The following RANBP2 variants were observed in gnomAD, a reference collection of about 807,000 sequenced individuals.
The protein encoded by RANBP2 is E3 SUMO-protein ligase RanBP2.
In RANBP2, 57 loss-of-function variants were observed where a neutral mutation model predicts 303.6. That is an observed-to-expected ratio of 0.19 (90% CI 0.15 to 0.23). RANBP2 has a LOEUF of 0.23. Ranked by LOEUF, RANBP2 falls within the 10% of genes least tolerant of loss-of-function variation. The pLI is 1.00. For missense variants in RANBP2, 3,138 were observed against 3,780.8 expected (o/e 0.83, Z 4.46); for synonymous variants, 1,167 against 1,301.5 (o/e 0.90, Z 2.23).
the RANBP2 span, among the ~76,000 whole-genome samples, chr2:109,212,724 C>G: frequency 6.6e-6 from 1 of 152,230 alleles, no homozygotes; most frequent in Non-Finnish European, 1.5e-5. Flanking sequence ...AATAAAGACC[C>G]ATTCTCTCTT....
the RANBP2 span, among the ~76,000 whole-genome samples, chr2:108,920,238 C>T: frequency 3.3e-5 from 5 of 152,228 alleles, no homozygotes; most frequent in Non-Finnish European, 5.9e-5. Context: ...CCACATGCAT[C>T]GCCCACGTCA....
chr2:108,735,804 A>G lies in RANBP2; in HGVS notation c.636+42A>G, dbSNP rs753567823. 45 of 1,597,492 alleles carry G rather than the reference A, an allele frequency of 2.8e-5. No homozygotes were observed. The Admixed American group carries it at 6.0e-4, about 21-fold the overall frequency. On this transcript the variant is annotated intron_variant, in intron 5 of 28. Coordinates refer to ENST00000283195, the MANE Select transcript of RANBP2 (RefSeq NM_006267.5). The stretch of plus-strand genomic sequence containing the variant: ...GGGTCTTTACATTTCTATGTAGGCA[A>G]TTAGCATACATCTTTTTGTACTAAA...
chr2:108,784,688 A>T lies in RANBP2; in HGVS notation c.*787A>T, dbSNP rs1331693144. 6.6e-6 allele frequency: 1 copy of T among 152,626 alleles called. No homozygotes were observed. The allele number at this position is 152,626 out of a possible 1,614,324, so 9.5% of individuals were successfully genotyped here. A position where few individuals can be genotyped will look rare whatever the true frequency, so the allele number is the denominator to read the frequency against. On this transcript the variant is annotated 3_prime_UTR_variant, in exon 29 of 29. Coordinates refer to ENST00000283195, the MANE Select transcript of RANBP2 (RefSeq NM_006267.5). ...TGATAAAGTATGAATATTTTTAGAA[A>T]GTCTATACCATGTTCTTTCGTTAAA...
At chr2:108,728,805 T>A (rs542495010) in intron 1 of RANBP2, among the ~76,000 whole-genome samples, 2 of 152,112 alleles carry the variant, frequency 1.3e-5, no homozygotes, top group African/African-American at 4.8e-5. Flanking sequence ...CCATCATGCC[T>A]GGCTAATTTT....
At chr2:109,425,519 G>A in the RANBP2 span, among the ~76,000 whole-genome samples, 1 of 152,210 alleles carries the variant, frequency 6.6e-6, no homozygotes, top group Non-Finnish European at 1.5e-5. Flanking sequence ...TGCAGCTGGT[G>A]ACTCTAAGTG....
At chr2:109,284,749 C>T in the RANBP2 span, among the ~76,000 whole-genome samples, 1,189 of 152,238 alleles carry the variant, frequency 7.8e-3, 19 homozygotes, top group African/African-American at 0.027. Context: ...GTGAAGTCCC[C>T]GCATGGCTAA....
At chr2:108,771,147 T>G (rs774522885) in intron 20 of RANBP2, among the ~76,000 whole-genome samples, 5 of 151,606 alleles carry the variant, frequency 3.3e-5, no homozygotes, top group Admixed American at 6.6e-5. Context: ...AGAGTCACAG[T>G]TGTTATTTAA....
the RANBP2 span, among the ~76,000 whole-genome samples, chr2:109,722,463 G>A: frequency 6.6e-6 from 1 of 152,154 alleles, no homozygotes. Flanking sequence ...ATTCCCCATT[G>A]GTCCTTCTCT....
rs1294881128 is a variant in RANBP2 at position 108,740,592 on chromosome 2, C to G, written c.886C>G (p.Leu296Val). The stretch of plus-strand genomic sequence containing the variant: ...ACATTTCTACATGCATGCTGGTTCT[C>G]TGCTTTTGAAGATGGGTCAGCATAG... Reference protein sequence around the residue: ...KGHFYMHAGSLLLKMGQHSSN... With the variant: ...KGHFYMHAGSVLLKMGQHSSN... The change falls in exon 7 of 29, where the codon CTG (leucine) becomes GTG (valine). Residue 296 changes from leucine to valine, a missense_variant. This residue lies in a region of RANBP2 where 306 missense variants were observed against 381.9 expected (regional missense o/e 0.80). Coordinates refer to ENST00000283195, the MANE Select transcript of RANBP2 (RefSeq NM_006267.5). The G allele has an allele frequency of 1.3e-6, 2 of 1,597,552 alleles. No individual in the cohort carries two copies. The highest frequency in any genetic ancestry group is 2.3e-4 in the Middle Eastern group (1 of 4,428).
the RANBP2 span, among the ~76,000 whole-genome samples, chr2:109,022,587 C>T: frequency 6.6e-6 from 1 of 152,070 alleles, no homozygotes; most frequent in African/African-American, 2.4e-5. Flanking sequence ...ATAATAGACA[C>T]TGGAGACTCC....
At chr2:108,798,598 G>A in the RANBP2 span, 28 of 1,560,870 alleles carry the variant, frequency 1.8e-5, no homozygotes, top group Non-Finnish European at 2.2e-5. Context: ...TAACTATATA[G>A]CCTTTGATTT....
the RANBP2 span, among the ~76,000 whole-genome samples, chr2:109,279,881 G>T: frequency 6.6e-6 from 1 of 152,042 alleles, no homozygotes; most frequent in Non-Finnish European, 1.5e-5. Flanking sequence ...GGGCCCCTGG[G>T]GGGTGAGAGA....
chr2:108,972,783 G>A, the RANBP2 span, among the ~76,000 whole-genome samples: 1 of 152,156 alleles, frequency 6.6e-6, no homozygotes, highest in East Asian at 1.9e-4. Context: ...AAGGGGGTGA[G>A]GACCGGGGGG....
the RANBP2 span, among the ~76,000 whole-genome samples, chr2:108,814,418 A>G: frequency 6.6e-6 from 1 of 152,122 alleles, no homozygotes; most frequent in African/African-American, 2.4e-5. Context: ...AAAGGTACAG[A>G]CTTTATATTC....
rs374707983 is a variant in RANBP2 at position 108,771,870 on chromosome 2, T to C, written c.8019T>C (p.Asp2673=). ...RPDYVSEEEE[D]DEDFETAVKK... is the part of the protein sequence containing the mutation. Reference sequence around the variant, plus strand: ...ATTATGTTAGTGAAGAAGAGGAGGATGGTAAAACTTTTGTTATTTCAAAAA... The same window carrying C: ...ATTATGTTAGTGAAGAAGAGGAGGACGGTAAAACTTTTGTTATTTCAAAAA... Residue 2673 remains aspartate (D), a splice_region_variant and synonymous_variant, in exon 21 of 29, where the codon GAT becomes GAC. Transcript: ENST00000283195. The C allele has an allele frequency of 1.0e-4, 165 of 1,613,884 alleles. No individual in the cohort carries two copies. The highest frequency in any genetic ancestry group is 1.3e-4 in the Non-Finnish European group (155 of 1,179,926).
chr2:109,641,322 G>A, the RANBP2 span, among the ~76,000 whole-genome samples: 9 of 152,164 alleles, frequency 5.9e-5, no homozygotes, highest in East Asian at 1.2e-3. Context: ...ATTATTATTC[G>A]CAGTAACTAA....
chr2:108,787,077 G>C (rs1427993127), downstream of RANBP2, among the ~76,000 whole-genome samples: 2 of 152,060 alleles, frequency 1.3e-5, no homozygotes, highest in Non-Finnish European at 2.9e-5. Context: ...GGCGGGAGGG[G>C]CGGGCGTTGC....
At chr2:109,619,298 A>C in the RANBP2 span, among the ~76,000 whole-genome samples, 11 of 152,186 alleles carry the variant, frequency 7.2e-5, no homozygotes, top group Admixed American at 6.5e-5. Flanking sequence ...GTGATGGAGG[A>C]ATCAACTTGG....
At chr2:108,792,107 G>T in the RANBP2 span, among the ~76,000 whole-genome samples, 1 of 152,172 alleles carries the variant, frequency 6.6e-6, no homozygotes, top group Non-Finnish European at 1.5e-5. Flanking sequence ...CAGATTATTT[G>T]AAGTATGGAT....
Sources: gnomAD v4.1 joint callset for allele counts (sites outside exome capture counted in the v4.1 genomes callset) on GRCh38, gnomAD v4.1.1 for gene constraint, gnomAD v4.1.1 regional missense constraint, MANE v1.5 for transcripts, NCBI Gene and HGNC (gene_info 2026-07-23, HGNC 2026-07-21) for gene names.